Variants in TUSC3 observed in about 807,000 individuals in gnomAD.
The protein encoded by TUSC3 is tumor suppressor candidate 3.
In TUSC3, 45 loss-of-function variants were observed where a neutral mutation model predicts 44.8. The ratio of observed to expected loss-of-function variants is 1.00; its 90% CI spans 0.79 to 1.29. TUSC3 has a LOEUF of 1.29. Among genes scored for constraint, TUSC3 ranks in the 50% most tolerant of loss-of-function variants. The pLI, the probability that TUSC3 is intolerant of heterozygous loss-of-function variation, is 0.00. For missense variants in TUSC3, 519 were observed against 437.9 expected (o/e 1.19, Z -1.65); for synonymous variants, 212 against 152.9 (o/e 1.39, Z -2.85).
chr8:15,596,969 G>C (rs890765000), intron 1 of TUSC3, among the ~76,000 whole-genome samples: 1 of 152,156 alleles, frequency 6.6e-6, no homozygotes, highest in Non-Finnish European at 1.5e-5. Context: ...TTTAAACCTT[G>C]GTTAGGTAGC....
intron 2 of TUSC3, among the ~76,000 whole-genome samples, chr8:15,515,791 C>G (rs1397640380): frequency 6.6e-6 from 1 of 152,040 alleles, no homozygotes; most frequent in Non-Finnish European, 1.5e-5. Context: ...CCTCAGCTTC[C>G]CAAGTAGCTG....
intron 2 of TUSC3, among the ~76,000 whole-genome samples, chr8:15,500,736 G>T (rs960448332): frequency 2.0e-5 from 3 of 152,096 alleles, no homozygotes; most frequent in African/African-American, 7.2e-5. Flanking sequence ...AATGTGACAG[G>T]AAACATCAGT....
intron 1 of TUSC3, among the ~76,000 whole-genome samples, chr8:15,587,405 C>G (rs966351492): frequency 6.6e-6 from 1 of 152,132 alleles, no homozygotes; most frequent in Non-Finnish European, 1.5e-5. Context: ...CATCCACTGT[C>G]TTTTCACTCC....
chr8:15,471,982 G>C (rs1302081988), intron 1 of TUSC3, among the ~76,000 whole-genome samples: 1 of 152,002 alleles, frequency 6.6e-6, no homozygotes, highest in Non-Finnish European at 1.5e-5. Context: ...TGCTTCACCT[G>C]GTTATGTGCA....
chr8:15,534,190 A>T (rs1482994848), intron 2 of TUSC3, among the ~76,000 whole-genome samples: 2 of 152,116 alleles, frequency 1.3e-5, no homozygotes, highest in Non-Finnish European at 2.9e-5. Flanking sequence ...TAATTATGAG[A>T]TAAAATGAAA....
intron 1 of TUSC3, among the ~76,000 whole-genome samples, chr8:15,435,740 G>C (rs1025720560): frequency 1.3e-5 from 2 of 152,194 alleles, no homozygotes; most frequent in Non-Finnish European, 2.9e-5. Context: ...GGATTTTTAA[G>C]GAATTTAACT....
chr8:15,801,074 A>G, the TUSC3 span, among the ~76,000 whole-genome samples: 3 of 152,172 alleles, frequency 2.0e-5, no homozygotes, highest in African/African-American at 7.2e-5. Flanking sequence ...TGTAAAGTGA[A>G]AGCAAGTTTA....
At chr8:15,797,317 C>T in the TUSC3 span, among the ~76,000 whole-genome samples, 1 of 152,172 alleles carries the variant, frequency 6.6e-6, no homozygotes, top group African/African-American at 2.4e-5. Flanking sequence ...TCTCCAATTC[C>T]TAAAGAGTCC....
chr8:15,422,785 G>A lies in TUSC3; in HGVS notation n.91+5480G>A, dbSNP rs141761026. On this transcript the variant is annotated intron_variant and non_coding_transcript_variant, in intron 1 of 5. Coordinates refer to the TUSC3 transcript ENST00000503191. ...AGCCTCCCAGGTAATTAAGACTACAGGCACCCACCACCAAACCCAGCTAAT... is the reference window on the plus strand; with the variant it reads ...AGCCTCCCAGGTAATTAAGACTACAAGCACCCACCACCAAACCCAGCTAAT... Among the ~76,000 whole-genome samples, 459 of 152,018 alleles carry A rather than the reference G, an allele frequency of 3.0e-3. 4 individuals are homozygous for A. Among genetic ancestry groups the A allele is most frequent in the African/African-American group, 0.01 (435 of 41,444 alleles).
intron 1 of TUSC3, among the ~76,000 whole-genome samples, chr8:15,551,675 G>C (rs1802064658): frequency 6.6e-6 from 1 of 151,678 alleles, no homozygotes; most frequent in Admixed American, 6.6e-5. Context: ...AGTAACTCAG[G>C]AGAAACAACT....
the TUSC3 span, chr8:15,807,157 C>T: frequency 4.3e-5 from 37 of 856,286 alleles, no homozygotes; most frequent in African/African-American, 4.8e-4. Context: ...AAAGCAATCA[C>T]AGCCGTATGT....
intron 1 of TUSC3, among the ~76,000 whole-genome samples, chr8:15,598,892 G>A (rs1804171372): frequency 6.6e-6 from 1 of 151,726 alleles, no homozygotes; most frequent in Non-Finnish European, 1.5e-5. Flanking sequence ...GAATAAAGGT[G>A]TTATCAACAC....
At chr8:15,818,020 G>T in the TUSC3 span, among the ~76,000 whole-genome samples, 1 of 152,090 alleles carries the variant, frequency 6.6e-6, no homozygotes, top group Non-Finnish European at 1.5e-5. Context: ...AGGAGAGAAA[G>T]GAAGAACAAG....
At chr8:15,658,693 C>T (rs1349652812) in intron 3 of TUSC3, among the ~76,000 whole-genome samples, 1 of 150,760 alleles carries the variant, frequency 6.6e-6, no homozygotes, top group African/African-American at 2.4e-5. Context: ...AATATATATA[C>T]ACATACAATA....
intron 2 of TUSC3, among the ~76,000 whole-genome samples, chr8:15,507,077 G>C (rs1801061504): frequency 6.6e-6 from 1 of 152,086 alleles, no homozygotes; most frequent in African/African-American, 2.4e-5. Context: ...AAATAACTTT[G>C]TATGTTTTTT....
the TUSC3 span, among the ~76,000 whole-genome samples, chr8:15,836,511 T>C: frequency 6.6e-6 from 1 of 151,848 alleles, no homozygotes; most frequent in South Asian, 2.1e-4. Context: ...AGATTGGTAC[T>C]AGACATATAT....
At position 15,626,659 on chromosome 8, in the gene TUSC3, G is replaced by A. The variant is rs113426606; in HGVS notation, c.308+3410G>A. On this transcript the variant is annotated intron_variant, in intron 2 of 10. Transcript: ENST00000503731. ...AGGCTTGGAGATGTCTGCTTCCACT[G>A]CCTGGTCTCTCCCTGCTCTTGGTGG... Among the ~76,000 whole-genome samples, 196 of 152,302 alleles carry A rather than the reference G, an allele frequency of 1.3e-3. 1 individual carries two copies. Among genetic ancestry groups the A allele is most frequent in the African/African-American group, 4.6e-3 (190 of 41,576 alleles).
chr8:15,499,092 T>C (rs1422869104), intron 2 of TUSC3, among the ~76,000 whole-genome samples: 1 of 152,064 alleles, frequency 6.6e-6, no homozygotes, highest in Non-Finnish European at 1.5e-5. Flanking sequence ...TCAGACTCCA[T>C]CACCCACTAC....
At chr8:15,620,003 G>T (rs765181945) in intron 1 of TUSC3, among the ~76,000 whole-genome samples, 1 of 152,124 alleles carries the variant, frequency 6.6e-6, no homozygotes, top group African/African-American at 2.4e-5. Flanking sequence ...TGGAGGTTGC[G>T]ATTTGCTGAG....
Sources: gnomAD v4.1 joint callset for allele counts (sites outside exome capture counted in the v4.1 genomes callset) on GRCh38, gnomAD v4.1.1 for gene constraint, MANE v1.5 for transcripts, NCBI Gene and HGNC (gene_info 2026-07-23, HGNC 2026-07-21) for gene names.